Variants in KCTD5 observed in about 807,000 individuals in gnomAD.
The protein encoded by KCTD5 is BTB/POZ domain-containing protein KCTD5.
A neutral mutation model predicts 27.9 loss-of-function variants in KCTD5; 12 were observed. The ratio of observed to expected loss-of-function variants is 0.43; its 90% confidence interval spans 0.28 to 0.70. The LOEUF (loss-of-function observed/expected upper bound fraction) is 0.70. Ranked by LOEUF, KCTD5 falls within the 30% of genes least tolerant of loss-of-function variation. The pLI is 0.19. For synonymous variants in KCTD5, 147 were observed against 121.4 expected, an observed-to-expected ratio of 1.21 and a Z score of -1.39; for missense variants, 226 against 274.8, an observed-to-expected ratio of 0.82 and a Z score of 1.26.
intron 4 of KCTD5, 124 bp downstream of exon 4, chr16:2,700,040 G>T: frequency 1.2e-6 from 1 of 868,286 alleles, no homozygotes; most frequent in Non-Finnish European, 1.8e-6. Flanking sequence ...CAGTTCTGGG[G>T]GTGCTCACGG....
chr16:2,683,562 T>TA (rs2067527780), intron 1 of KCTD5: 2 of 150,594 alleles, frequency 1.3e-5, no homozygotes, highest in African/African-American at 2.5e-5. Context: ...AGCGAAATGC[T>TA]CATGCTGTTG....
At position 2,698,595 on chromosome 16, in the gene KCTD5, C is replaced by T. The variant is rs7188658; in HGVS notation, c.453+598C>T. On this transcript the variant is annotated intron_variant, in intron 3 of 5. Coordinates refer to ENST00000301738, the MANE Select transcript of KCTD5 (RefSeq NM_018992.4). ...TCCCGTCCCTGAGAGCTGAGCCCGC[C>T]CCCCCCACCCAAGCTCAGCTCCCTT... is the stretch of plus-strand genomic sequence containing the variant. 9.9e-3 allele frequency among the ~76,000 whole-genome samples: 1,503 copies of T among 152,092 alleles called. 10 individuals carry two copies. The highest frequency in any genetic ancestry group is 0.014 in the Non-Finnish European group (963 of 67,910).
chr16:2,687,611 A>G (rs1374381450), intron 1 of KCTD5, among the ~76,000 whole-genome samples: 2 of 152,226 alleles, frequency 1.3e-5, no homozygotes, highest in Non-Finnish European at 2.9e-5. Context: ...AGTGAGGTCT[A>G]AAGCCTCGCC....
At chr16:2,688,419 T>C (rs963508643) in intron 1 of KCTD5, among the ~76,000 whole-genome samples, 15 of 151,796 alleles carry the variant, frequency 9.9e-5, no homozygotes, top group East Asian at 7.8e-4. Flanking sequence ...TCTGGCTGAT[T>C]TTTGTATAGT....
intron 4 of KCTD5, among the ~76,000 whole-genome samples, chr16:2,700,672 A>G (rs556654602): frequency 5.8e-4 from 88 of 152,294 alleles, no homozygotes; most frequent in African/African-American, 1.9e-3. Flanking sequence ...TGTCTGGGGC[A>G]GGTTCTGTCC....
rs1336734839 is a variant in KCTD5, at chr16:2,697,991, A to G, written c.447A>G (p.Thr149=). 9 of 1,606,528 alleles carry G rather than the reference A, an allele frequency of 5.6e-6. No homozygotes were observed. Among genetic ancestry groups the G allele is most frequent in the African/African-American group, 1.3e-5 (1 of 74,920 alleles). ...AAATTAGAGAACGAGACAGCAAAAC[A>G]TCGCAGGTGAGACAAATGACTGAGG... ...KDKIRERDSK[T]SQVPVKHVYR... The change falls in exon 3 of 6, where the codon ACA becomes ACG. Residue 149 remains threonine, a synonymous_variant. Transcript: ENST00000301738.
intron 1 of KCTD5, chr16:2,683,372 C>T (rs1327534020): frequency 6.6e-6 from 1 of 152,282 alleles, no homozygotes; most frequent in Non-Finnish European, 1.5e-5. Context: ...GAAGATGCGT[C>T]CGTAGTATAT....
At chr16:2,694,023 G>A (rs1228288914) in intron 1 of KCTD5, among the ~76,000 whole-genome samples, 11 of 141,718 alleles carry the variant, frequency 7.8e-5, no homozygotes, top group Admixed American at 5.8e-4. Flanking sequence ...CGAGGTAGCA[G>A]TGAGCCGTGA....
chr16:2,705,603 G>A (rs772246679), intron 5 of KCTD5, among the ~76,000 whole-genome samples: 12 of 152,226 alleles, frequency 7.9e-5, no homozygotes, highest in South Asian at 4.1e-4. Context: ...CAAATCCTGC[G>A]GCATCCCTGA....
chr16:2,698,910 C>G (rs2067598715), intron 3 of KCTD5, among the ~76,000 whole-genome samples: 1 of 152,204 alleles, frequency 6.6e-6, no homozygotes, highest in Non-Finnish European at 1.5e-5. Flanking sequence ...TGTGGGCACT[C>G]CCTGCCTCAG....
intron 2 of KCTD5, among the ~76,000 whole-genome samples, chr16:2,696,996 C>G (rs2067589167): frequency 6.6e-6 from 1 of 152,256 alleles, no homozygotes; most frequent in Non-Finnish European, 1.5e-5. Context: ...GGGCGCTAGA[C>G]ACAGACCAAG....
At position 2,702,342 on chromosome 16, in the gene KCTD5, T is replaced by C; in HGVS notation, c.550-11T>C. On this transcript the variant is annotated splice_polypyrimidine_tract_variant and intron_variant, in intron 4 of 5. Coordinates refer to ENST00000301738, the MANE Select transcript of KCTD5 (RefSeq NM_018992.4). ...TCACTGGGCTGCGTCTCAGGCTATG[T>C]CTCCTTGCAGTTGGTCAGCATCGGC... is the stretch of plus-strand genomic sequence containing the variant. 6.2e-7 allele frequency: 1 copy of C among 1,613,356 alleles called. No homozygotes were observed. The highest frequency in any genetic ancestry group is 1.1e-5 in the South Asian group (1 of 91,080).
chr16:2,691,023 G>C (rs2142053494), intron 1 of KCTD5, among the ~76,000 whole-genome samples: 1 of 152,350 alleles, frequency 6.6e-6, no homozygotes, highest in South Asian at 2.1e-4. Flanking sequence ...GGCACCACGA[G>C]TAGCCCCCGC....
chr16:2,695,891 CT>C, intron 1 of KCTD5, 43 bp from the exon 2 acceptor site: 1 of 254,848 alleles, frequency 3.9e-6, no homozygotes, highest in South Asian at 2.4e-5. Flanking sequence ...CTGCAGGAAC[CT>C]TCGGCTTCTC....
At chr16:2,691,217 G>T (rs760323683) in intron 1 of KCTD5, among the ~76,000 whole-genome samples, 3 of 152,210 alleles carry the variant, frequency 2.0e-5, no homozygotes, top group Admixed American at 6.5e-5. Context: ...GCTTCAAAGA[G>T]AGCAGTGGTG....
chr16:2,693,656 G>GC (rs2067576849), intron 1 of KCTD5, among the ~76,000 whole-genome samples: 1 of 152,230 alleles, frequency 6.6e-6, no homozygotes, highest in African/African-American at 2.4e-5. Flanking sequence ...GGCTGGGGTT[G>GC]CCTCGTGTGT....
Position 2,702,585 on chromosome 16 carries a change from G to A in KCTD5, c.675+107G>A, listed in dbSNP as rs535924697. ...CATTCTCATCAAGCTCCCGGTGTCC[G>A]CCCCTGGTGGCCTTGCTGACTTCTT... On this transcript the variant is annotated intron_variant, in intron 5 of 5. Coordinates refer to ENST00000301738, the MANE Select transcript of KCTD5 (RefSeq NM_018992.4). 89 of 1,406,900 alleles carry A rather than the reference G, an allele frequency of 6.3e-5. No individual in the cohort carries two copies. In the African/African-American group the frequency reaches 1.1e-3, roughly 17 times the overall value. The allele number at this position is 1,406,900 out of a possible 1,614,324, so 87.2% of individuals were successfully genotyped here. A position where few individuals can be genotyped will look rare whatever the true frequency, so the allele number is the denominator to read the frequency against.
In KCTD5 at chr16:2,707,478, G is replaced by T. The variant is rs745547850; in HGVS notation, c.*151G>T. 8 of 840,486 alleles carry T rather than the reference G, an allele frequency of 9.5e-6. No individual in the cohort carries two copies. The highest frequency in any genetic ancestry group is 1.6e-5 in the Non-Finnish European group (8 of 497,854). 52.1% of individuals were successfully genotyped at this position (840,486 alleles called of 1,614,324 possible). On this transcript the variant is annotated 3_prime_UTR_variant, in exon 6 of 6. Coordinates refer to ENST00000301738, the MANE Select transcript of KCTD5 (RefSeq NM_018992.4). The stretch of plus-strand genomic sequence containing the variant: ...TGAATCCTTTTTTGCCTCTGAGGTG[G>T]GTGGTGAGAGACGGGCCCAGCTGTC...
chr16:2,682,527 T>C lies in KCTD5; in HGVS notation c.-22T>C. The C allele has an allele frequency of 7.2e-7, 1 of 1,386,078 alleles. No individual in the cohort carries two copies. Among genetic ancestry groups the C allele is most frequent in the East Asian group, 2.8e-5 (1 of 36,192 alleles). The allele number at this position is 1,386,078 out of a possible 1,614,324, so 85.9% of individuals were successfully genotyped here. A position where few individuals can be genotyped will look rare whatever the true frequency, so the allele number is the denominator to read the frequency against. On this transcript the variant is annotated 5_prime_UTR_variant, in exon 1 of 6. Coordinates refer to ENST00000301738, the MANE Select transcript of KCTD5 (RefSeq NM_018992.4). The stretch of plus-strand genomic sequence containing the variant: ...CCGGACGCTTCCGGTGGAAGGGAGC[T>C]GTTGCGGGGCTTGCTGGGATCATGG...
Sources: allele counts gnomAD v4.1 joint callset (sites outside exome capture counted in the v4.1 genomes callset), GRCh38; gene constraint gnomAD v4.1.1; transcripts MANE v1.5; gene names NCBI Gene and HGNC (gene_info 2026-07-23, HGNC 2026-07-21).